TBC1D5: variants seen among roughly 807,000 people sequenced by gnomAD.
TBC1D5 encodes the protein TBC1 domain family member 5, also known as TBC1 domain family, member 5.
In TBC1D5, 75 loss-of-function variants were observed where a neutral mutation model predicts 100.3. The ratio of observed to expected loss-of-function variants is 0.75; its 90% CI spans 0.62 to 0.91. The LOEUF is 0.91. Among genes scored for constraint, TBC1D5 ranks in the 40% least tolerant of loss-of-function variants. The pLI is 0.00. For missense variants in TBC1D5, 910 were observed against 942.4 expected, an observed-to-expected ratio of 0.97 and a Z score of 0.45; for synonymous variants, 323 against 325.6, an observed-to-expected ratio of 0.99 and a Z score of 0.09.
chr3:17,692,120 C>T (rs2071265758), intron 1 of TBC1D5, among the ~76,000 whole-genome samples: 2 of 151,862 alleles, frequency 1.3e-5, no homozygotes, highest in Non-Finnish European at 2.9e-5. Flanking sequence ...TGAGATGAGG[C>T]CTCGTTCTGT....
chr3:17,407,342 C>T (rs948235390), intron 4 of TBC1D5, among the ~76,000 whole-genome samples: 1 of 152,092 alleles, frequency 6.6e-6, no homozygotes. Context: ...GCATCTTGCA[C>T]CAAACTAAAC....
intron 1 of TBC1D5, among the ~76,000 whole-genome samples, chr3:17,648,462 G>A (rs1331393047): frequency 1.3e-5 from 2 of 152,046 alleles, no homozygotes; most frequent in Admixed American, 1.3e-4. Flanking sequence ...TGTAACAAAA[G>A]CAAAAATTGA....
At chr3:17,595,431 T>C (rs1009503662) in intron 2 of TBC1D5, among the ~76,000 whole-genome samples, 7 of 152,156 alleles carry the variant, frequency 4.6e-5, no homozygotes, top group Non-Finnish European at 7.3e-5. Context: ...AAAAAGCATA[T>C]GATATTTTAT....
intron 14 of TBC1D5, among the ~76,000 whole-genome samples, chr3:17,299,767 G>A (rs1045497276): frequency 4.0e-5 from 6 of 148,994 alleles, no homozygotes; most frequent in African/African-American, 1.5e-4. Flanking sequence ...GCTGAGGCAG[G>A]AGAATGGCGT....
At chr3:17,363,043 CTCATT>C (rs1420679427) in intron 13 of TBC1D5, among the ~76,000 whole-genome samples, 1 of 152,108 alleles carries the variant, frequency 6.6e-6, no homozygotes, top group African/African-American at 2.4e-5. Context: ...AAAGAAACAA[CTCATT>C]TCATTTATTT....
intron 13 of TBC1D5, among the ~76,000 whole-genome samples, chr3:17,329,517 T>A (rs763597543): frequency 3.3e-4 from 46 of 139,100 alleles, no homozygotes; most frequent in Admixed American, 2.8e-4. Context: ...AATAATACCC[T>A]TGATTTTATG....
intron 13 of TBC1D5, among the ~76,000 whole-genome samples, chr3:17,349,825 T>C (rs2151633132): frequency 6.6e-6 from 1 of 152,146 alleles, no homozygotes; most frequent in East Asian, 1.9e-4. Flanking sequence ...GGAGTAATGA[T>C]ACATTTAAAC....
At chr3:17,703,901 GTGTTTTTTTTT>G (rs1313315788) in intron 1 of TBC1D5, among the ~76,000 whole-genome samples, 3 of 87,786 alleles carry the variant, frequency 3.4e-5, no homozygotes, top group Non-Finnish European at 7.1e-5. Context: ...ATTGATATTT[GTGTTTTTTTTT>G]TGTTTTTTTT....
At chr3:17,338,509 A>G (rs530399614) in intron 13 of TBC1D5, 1 of 152,226 alleles carries the variant, frequency 6.6e-6, no homozygotes, top group Non-Finnish European at 1.5e-5. Flanking sequence ...CTCACAAAAC[A>G]AAGCAGCCCA....
At chr3:17,210,027 T>C (rs1363902754) in intron 18 of TBC1D5, among the ~76,000 whole-genome samples, 2 of 152,168 alleles carry the variant, frequency 1.3e-5, no homozygotes, top group Non-Finnish European at 2.9e-5. Flanking sequence ...CCTTAGTTTA[T>C]GTCCTCATTT....
intron 6 of TBC1D5, 48 bp downstream of exon 6, chr3:17,404,824 G>C (rs959252383): frequency 1.3e-6 from 2 of 1,569,748 alleles, no homozygotes; most frequent in Non-Finnish European, 1.7e-6. Context: ...GGACTTTAAA[G>C]TGTACATAAG....
chr3:17,471,303 T>C (rs1030029829), intron 3 of TBC1D5, among the ~76,000 whole-genome samples: 7 of 152,214 alleles, frequency 4.6e-5, no homozygotes, highest in African/African-American at 1.4e-4. Flanking sequence ...CATTTGAAAG[T>C]GTTTTTGTAG....
chr3:17,561,756 G>A (rs1443584594), intron 2 of TBC1D5, among the ~76,000 whole-genome samples: 1 of 152,084 alleles, frequency 6.6e-6, no homozygotes, highest in East Asian at 1.9e-4. Flanking sequence ...CAAAAAGAAA[G>A]AAACTGTCCC....
At chr3:17,527,865 GAC>G (rs1243791844) in intron 2 of TBC1D5, among the ~76,000 whole-genome samples, 2 of 152,096 alleles carry the variant, frequency 1.3e-5, no homozygotes, top group African/African-American at 4.8e-5. Context: ...AGCAAAATGA[GAC>G]AATCATATAA....
At chr3:17,174,179 T>C (rs1336359431) in intron 19 of TBC1D5, among the ~76,000 whole-genome samples, 1 of 152,208 alleles carries the variant, frequency 6.6e-6, no homozygotes, top group African/African-American at 2.4e-5. Context: ...CACCTAGTTG[T>C]TGGGTCCCTC....
rs1459679632 is a variant in TBC1D5, at chr3:17,508,682, T to A, written c.-35-77A>T. On this transcript the variant is annotated intron_variant, in intron 2 of 21. Coordinates refer to ENST00000253692, the Ensembl canonical transcript of TBC1D5. ...ACTGGGAATAAATATAAGACTGAAA[T>A]GATTACATGAGCATTACAGACATTA... The A allele has an allele frequency of 3.1e-5, 22 of 718,674 alleles. No homozygotes were observed. The Admixed American group carries it at 4.4e-4, about 14-fold the overall frequency. The allele number at this position is 718,674 out of a possible 1,614,324, so 44.5% of individuals were successfully genotyped here.
chr3:17,724,376 T>G (rs1242369351), intron 1 of TBC1D5, among the ~76,000 whole-genome samples: 4 of 152,196 alleles, frequency 2.6e-5, no homozygotes, highest in Middle Eastern at 3.2e-3. Flanking sequence ...GTTACAGGCA[T>G]GAGCCACCAC....
rs60889092 is a variant in TBC1D5, at chr3:17,591,233, CAAAAAAAAAAAAAAAAAAAAAA to C, written c.-36+32594_-36+32615del. Among the ~76,000 whole-genome samples, 6 of 18,664 alleles carry C rather than the reference CAAAAAAAAAAAAAAAAAAAAAA, an allele frequency of 3.2e-4. 1 individual carries two copies. The highest frequency in any genetic ancestry group is 2.0e-3 in the East Asian group (1 of 498). 12.2% of individuals were successfully genotyped at this position (18,664 alleles called of 152,430 possible). On this transcript the variant is annotated intron_variant, in intron 2 of 21. Transcript: ENST00000253692. Reference sequence around the variant, plus strand: ...ACTGGGCTACAAAGAAAGGATCTGTCAAAAAAAAAAAAAAAAAAAAAAAAAAAAAAAAACAAAAACCCCAGAG... The same window carrying C: ...ACTGGGCTACAAAGAAAGGATCTGTCAAAAAAAAAAACAAAAACCCCAGAG...
At chr3:17,656,185 T>G (rs2066044207) in intron 1 of TBC1D5, among the ~76,000 whole-genome samples, 1 of 152,200 alleles carries the variant, frequency 6.6e-6, no homozygotes, top group African/African-American at 2.4e-5. Context: ...GAATCCAGTC[T>G]CTGAGCCATG....
Sources: allele counts gnomAD v4.1 joint callset (sites outside exome capture counted in the v4.1 genomes callset), GRCh38; gene constraint gnomAD v4.1.1; transcripts MANE v1.5; gene names NCBI Gene and HGNC (gene_info 2026-07-23, HGNC 2026-07-21).